Variants in MIA3 observed in about 807,000 individuals in gnomAD.
The protein encoded by MIA3 is MIA SH3 domain ER export factor 3.
Under a neutral mutation model 192.4 loss-of-function variants are expected in MIA3, and 90 were observed. That is an observed-to-expected ratio of 0.47 (90% CI 0.39 to 0.56). The LOEUF (loss-of-function observed/expected upper bound fraction) is 0.56, where lower values mean the gene tolerates loss of function less well. MIA3 is among the 20% of genes least tolerant of loss of function. MIA3 has a pLI of 0.00. For missense variants in MIA3, 2,123 were observed against 2,269.4 expected (o/e 0.94, Z 1.31); for synonymous variants, 740 against 792.8 (o/e 0.93, Z 1.12).
At position 222,648,849 on chromosome 1, in the gene MIA3, A is replaced by G; in HGVS notation, c.3630A>G (p.Gln1210=). Residue 1210 remains glutamine, a splice_region_variant and synonymous_variant, in exon 8 of 28, where the codon CAA becomes CAG. Transcript: ENST00000344922. ...TVLVVKDRVY[Q]VTEQQISEKL... ...TCTAGGTGAAGGATAGAGTATATCA[A>G]GGTAAATCTTTAGGCTTTTTTGTTA... The G allele has an allele frequency of 6.9e-7, 1 of 1,451,276 alleles. No homozygotes were observed. The highest frequency in any genetic ancestry group is 9.6e-7 in the Non-Finnish European group (1 of 1,040,868). The allele number at this position is 1,451,276 out of a possible 1,614,324, so 89.9% of individuals were successfully genotyped here. A position where few individuals can be genotyped will look rare whatever the true frequency, so the allele number is the denominator to read the frequency against.
Position 222,630,172 on chromosome 1 carries a change from A to G in MIA3, c.2952A>G (p.Ser984=), listed in dbSNP as rs1362218155. The G allele has an allele frequency of 6.2e-7, 1 of 1,614,236 alleles. No homozygotes were observed. Among genetic ancestry groups the G allele is most frequent in the Admixed American group, 1.7e-5 (1 of 60,028 alleles). Residue 984 remains serine, a synonymous_variant, in exon 4 of 28, where the codon TCA becomes TCG. Coordinates refer to ENST00000344922, the MANE Select transcript of MIA3 (RefSeq NM_198551.4). ...VLDKVFRASE[S]QILSIAEKML... ...ATAAGGTCTTCCGTGCTTCTGAGTC[A>G]CAAATTCTGAGCATAGCAGAAAAAA...
chr1:222,641,701 T>G (rs898677350), intron 6 of MIA3: 1 of 552,662 alleles, frequency 1.8e-6, no homozygotes, highest in Non-Finnish European at 3.7e-6. Flanking sequence ...TCCCTCATTG[T>G]TCTCGCTCAG....
intron 1 of MIA3, among the ~76,000 whole-genome samples, chr1:222,620,752 A>G (rs1223103649): frequency 6.6e-6 from 1 of 152,206 alleles, no homozygotes; most frequent in African/African-American, 2.4e-5. Context: ...GCTTAAGTTA[A>G]TCATCATCTG....
chr1:222,624,319 G>T (rs901035565), intron 2 of MIA3, among the ~76,000 whole-genome samples: 1 of 152,238 alleles, frequency 6.6e-6, no homozygotes, highest in Middle Eastern at 3.4e-3. Flanking sequence ...ATAAACAAAC[G>T]TAAAGATAAA....
intron 8 of MIA3, 150 bp downstream of exon 8, chr1:222,649,000 A>G (rs1663283395): frequency 1.8e-6 from 1 of 551,264 alleles, no homozygotes; most frequent in Non-Finnish European, 3.2e-6. Context: ...GCCAGGTTGT[A>G]TGATAGAGTA....
intron 6 of MIA3, among the ~76,000 whole-genome samples, chr1:222,640,736 T>G (rs542859640): frequency 6.6e-6 from 1 of 152,308 alleles, no homozygotes; most frequent in South Asian, 2.1e-4. Flanking sequence ...GTATGATTCA[T>G]AAAGGAGAAA....
chr1:222,637,359 G>A (rs1220832032), intron 6 of MIA3, among the ~76,000 whole-genome samples: 1 of 152,114 alleles, frequency 6.6e-6, no homozygotes, highest in Non-Finnish European at 1.5e-5. Flanking sequence ...TCCATCAGGA[G>A]GCATTTAACA....
intron 24 of MIA3, chr1:222,660,688 G>T: frequency 5.5e-6 from 1 of 180,652 alleles, no homozygotes; most frequent in South Asian, 1.2e-4. Context: ...GAAATTTTTT[G>T]GAGCTTTGCA....
At chr1:222,647,835 C>A in intron 7 of MIA3, 1 of 330,318 alleles carries the variant, frequency 3.0e-6, no homozygotes, top group Non-Finnish European at 6.4e-6. Context: ...AATTTCTTTC[C>A]ATGTTGGAAT....
Position 222,630,299 on chromosome 1 carries a change from T to C in MIA3, c.3079T>C (p.Phe1027Leu). The C allele has an allele frequency of 1.2e-6, 2 of 1,614,194 alleles. No homozygotes were observed. Among genetic ancestry groups the C allele is most frequent in the Non-Finnish European group, 1.7e-6 (2 of 1,180,030 alleles). The change falls in exon 4 of 28, where the codon TTT becomes CTT. Residue 1027 changes from phenylalanine to leucine, a missense_variant. By Grantham distance (22) the Phe-to-Leu change is conservative (BLOSUM62 0). Coordinates refer to ENST00000344922, the MANE Select transcript of MIA3 (RefSeq NM_198551.4). The part of the protein sequence containing the change: ...VLDDIQDLIY[F>L]VRYKHSTAEE... ...TGATGACATTCAAGACCTCATCTAT[T>C]TTGTCAGGTACAAGCACTCCACAGC...
At chr1:222,655,962 C>CTTTTTTTTTTTT (rs1283360501) in intron 18 of MIA3, among the ~76,000 whole-genome samples, 1 of 71,280 alleles carries the variant, frequency 1.4e-5, no homozygotes, top group Non-Finnish European at 2.5e-5. Context: ...ACTTTCTTTC[C>CTTTTTTTTTTTT]CTTTTTTTTT....
intron 5 of MIA3, 34 bp downstream of exon 5, chr1:222,632,360 G>A (rs988011037): frequency 2.5e-6 from 4 of 1,583,822 alleles, no homozygotes; most frequent in Non-Finnish European, 3.4e-6. Flanking sequence ...ACAAAGTGGA[G>A]AAATCATAAA....
rs774474215 is a variant in MIA3, at chr1:222,652,307, C to T, written c.4061C>T (p.Ala1354Val). The T allele has an allele frequency of 6.2e-6, 10 of 1,613,222 alleles. No individual in the cohort carries two copies. The highest frequency in any genetic ancestry group is 6.8e-6 in the Non-Finnish European group (8 of 1,179,332). Residue 1354 changes from alanine (A) to valine (V), a missense_variant, in exon 13 of 28, where the codon GCT (alanine) becomes GTT (valine). This residue lies in a region of MIA3 where 762 missense variants were observed against 856.4 expected (regional missense o/e 0.89). Transcript: ENST00000344922. ...TGCCATCGGGTTCAAGAAGAAAATG[C>T]TAGGCTTAAGAAGAAAAAAGAGCAG... The part of the protein sequence containing the change: ...SECHRVQEEN[A>V]RLKKKKEQLQ...
At chr1:222,644,439 G>C (rs998010313) in intron 6 of MIA3, 3 of 1,550,042 alleles carry the variant, frequency 1.9e-6, no homozygotes, top group Non-Finnish European at 2.6e-6. Flanking sequence ...GTGCCATTCC[G>C]CAGGGAATTG....
At chr1:222,652,889 C>G (rs1663516965) in intron 13 of MIA3, 119 bp from the exon 14 acceptor site, 2 of 1,129,170 alleles carry the variant, frequency 1.8e-6, no homozygotes, top group Non-Finnish European at 2.5e-6. Flanking sequence ...AAGGTCTTAG[C>G]CCATAGTGAT....
intron 1 of MIA3, among the ~76,000 whole-genome samples, chr1:222,619,725 T>C (rs954362771): frequency 6.6e-6 from 1 of 152,256 alleles, no homozygotes; most frequent in African/African-American, 2.4e-5. Flanking sequence ...TCTTCAGTAC[T>C]GAGGCATGAT....
At chr1:222,661,582 A>T (rs1664014859) in intron 24 of MIA3, 1 of 156,260 alleles carries the variant, frequency 6.4e-6, no homozygotes, top group Non-Finnish European at 1.4e-5. Context: ...TGCGCAGGGG[A>T]TCAGCACACC....
Position 222,628,337 on chromosome 1 carries a change from A to G in MIA3, c.1117A>G (p.Lys373Glu). 2 of 1,613,556 alleles carry G rather than the reference A, an allele frequency of 1.2e-6. No individual in the cohort carries two copies. Among genetic ancestry groups the G allele is most frequent in the Non-Finnish European group, 1.7e-6 (2 of 1,179,868 alleles). ...TCAGCTAACTGTGCCCCCTGGCATC[A>G]AAAATGATGATAAAAATATACTAAC... ...KVQLTVPPGIKNDDKNILTTW... is the reference protein window; with the variant it reads ...KVQLTVPPGIENDDKNILTTW... Residue 373 changes from lysine (K) to glutamate (E), a missense_variant, in exon 4 of 28, where the codon AAA (lysine) becomes GAA (glutamate). Physicochemically the swap from Lys to Glu is moderately conservative, Grantham distance 56. Around this residue, in one of 3 missense-constraint regions of MIA3, gnomAD observed 1,357 missense variants for 1,396.1 expected, o/e 0.97. Transcript: ENST00000344922.
Position 222,653,293 on chromosome 1 carries a change from T to G in MIA3, c.4275T>G (p.Asn1425Lys). ...GTGAATCTGAATCTGAGGGTCAAAA[T>G]AAAGGTGGAAATGATTCAGATGAAT... ...LECESESEGQ[N>K]KGGNDSDELA... Residue 1425 changes from asparagine to lysine, a missense_variant, in exon 15 of 28, where the codon AAT becomes AAG. Coordinates refer to ENST00000344922, the MANE Select transcript of MIA3 (RefSeq NM_198551.4). 6.2e-7 allele frequency: 1 copy of G among 1,613,998 alleles called. No homozygotes were observed. Among genetic ancestry groups the G allele is most frequent in the Non-Finnish European group, 8.5e-7 (1 of 1,179,874 alleles).
Sources: gnomAD v4.1 joint callset for allele counts (sites outside exome capture counted in the v4.1 genomes callset) on GRCh38, gnomAD v4.1.1 for gene constraint, gnomAD v4.1.1 regional missense constraint, MANE v1.5 for transcripts, NCBI Gene and HGNC (gene_info 2026-07-23, HGNC 2026-07-21) for gene names.